The following LTBP1 variants were observed in gnomAD, a reference collection of about 807,000 sequenced individuals.
The protein encoded by LTBP1 is latent-transforming growth factor beta-binding protein 1.
Under a neutral mutation model 207.6 loss-of-function variants are expected in LTBP1, and 129 were observed. The observed-to-expected ratio is 0.62, with a 90% CI of 0.54 to 0.72. LTBP1 has a LOEUF of 0.72. LTBP1 is among the 30% of genes least tolerant of loss of function. The probability of loss-of-function intolerance (pLI) is 0.00; values close to 1 mark genes in which losing one functional copy is unlikely to be tolerated. For missense variants in LTBP1, 2,281 were observed against 2,217.2 expected, an observed-to-expected ratio of 1.03 and a Z score of -0.58; for synonymous variants, 963 against 833.7, an observed-to-expected ratio of 1.16 and a Z score of -2.67.
intron 3 of LTBP1, among the ~76,000 whole-genome samples, chr2:33,058,922 G>T (rs895672819): frequency 6.6e-6 from 1 of 152,226 alleles, no homozygotes; most frequent in Non-Finnish European, 1.5e-5. Context: ...GTTGGAAAAT[G>T]TGTGATGCTG....
At chr2:33,029,587 A>G (rs2075593915) in intron 3 of LTBP1, among the ~76,000 whole-genome samples, 1 of 152,246 alleles carries the variant, frequency 6.6e-6, no homozygotes, top group Non-Finnish European at 1.5e-5. Flanking sequence ...GGTACAAACC[A>G]TAAAGTTTTA....
At chr2:33,312,903 G>T (rs567226449) in intron 23 of LTBP1, among the ~76,000 whole-genome samples, 1 of 152,270 alleles carries the variant, frequency 6.6e-6, no homozygotes, top group Non-Finnish European at 1.5e-5. Context: ...GATGGATATA[G>T]GTCCTGAGCT....
At chr2:33,016,148 T>C (rs1179668382) in intron 2 of LTBP1, among the ~76,000 whole-genome samples, 1 of 152,120 alleles carries the variant, frequency 6.6e-6, no homozygotes, top group East Asian at 1.9e-4. Flanking sequence ...TCTCATTGGA[T>C]TGAGGGGCCT....
chr2:33,270,917 TTCTA>T (rs1375457563), intron 15 of LTBP1, among the ~76,000 whole-genome samples: 1 of 152,216 alleles, frequency 6.6e-6, no homozygotes, highest in Non-Finnish European at 1.5e-5. Context: ...ACCTCCTAGC[TTCTA>T]TCTAAGATAT....
chr2:32,992,224 T>C (rs1684527139), intron 2 of LTBP1, among the ~76,000 whole-genome samples: 2 of 152,192 alleles, frequency 1.3e-5, no homozygotes, highest in Middle Eastern at 3.4e-3. Flanking sequence ...GTGAAATGCA[T>C]TGGAAAAGCA....
At chr2:33,042,956 T>C (rs1008313422) in intron 3 of LTBP1, among the ~76,000 whole-genome samples, 8 of 152,348 alleles carry the variant, frequency 5.3e-5, no homozygotes, top group African/African-American at 1.7e-4. Flanking sequence ...GCCAGGCCTA[T>C]GGTTTAAGGC....
chr2:33,315,051 A>G lies in LTBP1; in HGVS notation c.3605-93A>G, dbSNP rs563213808. 1.3e-4 allele frequency: 131 copies of G among 1,001,216 alleles called. No individual in the cohort carries two copies. In the African/African-American group the frequency reaches 1.7e-3, roughly 13 times the overall value. The allele number at this position is 1,001,216 out of a possible 1,614,324, so 62.0% of individuals were successfully genotyped here. A position where few individuals can be genotyped will look rare whatever the true frequency, so the allele number is the denominator to read the frequency against. On this transcript the variant is annotated intron_variant, in intron 23 of 33. Transcript: ENST00000404816. ...TGTTCCACTAAATAAATGTCCAGCC[A>G]TGTCATAATAGATTTATTTGCCATC...
In LTBP1 at chr2:33,360,795, G is replaced by T. The variant is rs1463496490; in HGVS notation, c.4183+16G>T. 2 of 1,612,382 alleles carry T rather than the reference G, an allele frequency of 1.2e-6. No homozygotes were observed. The highest frequency in any genetic ancestry group is 4.5e-5 in the East Asian group (2 of 44,890). The stretch of plus-strand genomic sequence containing the variant: ...TTGGGAACTGGTAAGAATCCGCTTA[G>T]TGGTAGAGTCACACTTGTGTTTGGT... On this transcript the variant is annotated intron_variant, in intron 27 of 33. Coordinates refer to ENST00000404816, the MANE Select transcript of LTBP1 (RefSeq NM_206943.4).
chr2:33,330,220 TATCCATG>T (rs1009943677), intron 24 of LTBP1, among the ~76,000 whole-genome samples: 62 of 152,246 alleles, frequency 4.1e-4, no homozygotes, highest in African/African-American at 1.3e-3. Flanking sequence ...ATTGAACTTG[TATCCATG>T]ACCTTGCTAA....
At chr2:33,303,946 AG>A (rs2149054989) in intron 22 of LTBP1, among the ~76,000 whole-genome samples, 1 of 152,336 alleles carries the variant, frequency 6.6e-6, no homozygotes, top group South Asian at 2.1e-4. Flanking sequence ...CAAGCCAAGA[AG>A]GAACTGCACC....
At chr2:33,101,861 T>C (rs1303758351) in intron 3 of LTBP1, among the ~76,000 whole-genome samples, 1 of 152,246 alleles carries the variant, frequency 6.6e-6, no homozygotes, top group Non-Finnish European at 1.5e-5. Flanking sequence ...GCTTGTTAAA[T>C]AACTTACTCA....
intron 31 of LTBP1, among the ~76,000 whole-genome samples, chr2:33,367,202 A>C (rs2095000369): frequency 6.6e-6 from 1 of 152,168 alleles, no homozygotes; most frequent in Non-Finnish European, 1.5e-5. Flanking sequence ...GTTATTTTGC[A>C]CTTCAGCATC....
intron 3 of LTBP1, among the ~76,000 whole-genome samples, chr2:33,073,795 T>C (rs1427788390): frequency 6.6e-6 from 1 of 152,060 alleles, no homozygotes; most frequent in East Asian, 1.9e-4. Context: ...CCCGGCTAAT[T>C]TTTGTATTTT....
chr2:33,198,813 C>T (rs552597399), intron 7 of LTBP1, among the ~76,000 whole-genome samples: 151 of 152,088 alleles, frequency 9.9e-4, no homozygotes, highest in African/African-American at 3.0e-3. Flanking sequence ...GTCTTGCTAG[C>T]GGTCTATCAA....
chr2:33,144,563 C>T (rs1217385125), intron 5 of LTBP1, among the ~76,000 whole-genome samples: 1 of 152,126 alleles, frequency 6.6e-6, no homozygotes, highest in Non-Finnish European at 1.5e-5. Flanking sequence ...GGGGCATCTC[C>T]AGTGATGTAT....
chr2:33,064,401 A>G (rs2077407226), intron 3 of LTBP1, among the ~76,000 whole-genome samples: 2 of 152,196 alleles, frequency 1.3e-5, no homozygotes, highest in Non-Finnish European at 2.9e-5. Context: ...GACAGAAGAC[A>G]GGAGAATCCT....
At chr2:33,064,862 T>C (rs1169892989) in intron 3 of LTBP1, among the ~76,000 whole-genome samples, 1 of 152,210 alleles carries the variant, frequency 6.6e-6, no homozygotes, top group East Asian at 1.9e-4. Context: ...TCAAATACAG[T>C]TAGTATTGTG....
intron 22 of LTBP1, among the ~76,000 whole-genome samples, chr2:33,307,020 G>A (rs1036199489): frequency 4.6e-5 from 7 of 152,204 alleles, no homozygotes; most frequent in East Asian, 3.9e-4. Flanking sequence ...CCCGGGAGGC[G>A]GAGGTTGCAG....
intron 5 of LTBP1, among the ~76,000 whole-genome samples, chr2:33,172,715 T>C (rs1292892200): frequency 3.3e-5 from 5 of 152,288 alleles, no homozygotes; most frequent in African/African-American, 1.2e-4. Context: ...TTTTCAGCAC[T>C]GCACAACACC....
Sources: gnomAD v4.1 joint callset for allele counts (sites outside exome capture counted in the v4.1 genomes callset) on GRCh38, gnomAD v4.1.1 for gene constraint, MANE v1.5 for transcripts, NCBI Gene and HGNC (gene_info 2026-07-23, HGNC 2026-07-21) for gene names.